TMPRSS11E: variants seen among roughly 807,000 people sequenced by gnomAD.
TMPRSS11E encodes transmembrane protease serine 11E.
Under a neutral mutation model 48.1 loss-of-function variants are expected in TMPRSS11E, and 38 were observed. The ratio of observed to expected loss-of-function variants is 0.79; its 90% CI spans 0.61 to 1.04. The LOEUF (loss-of-function observed/expected upper bound fraction) is 1.04, where lower values mean the gene tolerates loss of function less well. TMPRSS11E is among the 50% of genes least tolerant of loss of function. The pLI is 0.00. For synonymous variants in TMPRSS11E, 158 were observed against 171.9 expected (o/e 0.92, Z 0.63); for missense variants, 530 against 510.8 (o/e 1.04, Z -0.36).
At chr4:68,449,748 C>G (rs1228294846) in intron 1 of TMPRSS11E, among the ~76,000 whole-genome samples, 1 of 151,768 alleles carries the variant, frequency 6.6e-6, no homozygotes, top group African/African-American at 2.4e-5. Context: ...AATGTGTAAG[C>G]CTGAAAGAAA....
intron 9 of TMPRSS11E, among the ~76,000 whole-genome samples, chr4:68,484,417 C>T (rs1729495376): frequency 6.6e-6 from 1 of 152,138 alleles, no homozygotes; most frequent in Non-Finnish European, 1.5e-5. Flanking sequence ...AGCGATCCTC[C>T]CACTTCAGTC....
At chr4:68,480,410 T>C (rs979207126) in intron 9 of TMPRSS11E, among the ~76,000 whole-genome samples, 3 of 152,152 alleles carry the variant, frequency 2.0e-5, no homozygotes, top group Non-Finnish European at 2.9e-5. Context: ...TCTATTCTTA[T>C]GTTAAGCCCG....
At chr4:68,466,012 G>C (rs1168150928) in intron 2 of TMPRSS11E, among the ~76,000 whole-genome samples, 1 of 152,172 alleles carries the variant, frequency 6.6e-6, no homozygotes, top group Admixed American at 6.5e-5. Context: ...CCTGTGGTTG[G>C]TGGGAAAAAC....
chr4:68,457,931 A>G (rs1241429954), intron 1 of TMPRSS11E, among the ~76,000 whole-genome samples: 1 of 151,736 alleles, frequency 6.6e-6, no homozygotes, highest in Admixed American at 6.6e-5. Flanking sequence ...GGGGCCTATC[A>G]GTGGGTGGGG....
intron 5 of TMPRSS11E, among the ~76,000 whole-genome samples, chr4:68,474,299 A>G (rs1013589175): frequency 6.6e-6 from 1 of 152,172 alleles, no homozygotes; most frequent in Non-Finnish European, 1.5e-5. Context: ...TATGAGCTCA[A>G]TGATACAATC....
At chr4:68,476,657 AAC>A (rs2109697504) in intron 7 of TMPRSS11E, among the ~76,000 whole-genome samples, 1 of 152,348 alleles carries the variant, frequency 6.6e-6, no homozygotes, top group South Asian at 2.1e-4. Context: ...TCTTTTGATA[AAC>A]ACACAATAGT....
chr4:68,449,335 A>G (rs1369155892), intron 1 of TMPRSS11E, among the ~76,000 whole-genome samples: 1 of 151,766 alleles, frequency 6.6e-6, no homozygotes, highest in Non-Finnish European at 1.5e-5. Context: ...GAAGAGAAGA[A>G]TGTGTCCATT....
chr4:68,451,573 G>T (rs1406829039), intron 1 of TMPRSS11E, among the ~76,000 whole-genome samples: 1 of 151,892 alleles, frequency 6.6e-6, no homozygotes, highest in Admixed American at 6.6e-5. Flanking sequence ...AATGTCAGAT[G>T]ATATCTCTGT....
At chr4:68,468,649 C>A (rs1728983550) in intron 3 of TMPRSS11E, among the ~76,000 whole-genome samples, 1 of 152,072 alleles carries the variant, frequency 6.6e-6, no homozygotes, top group African/African-American at 2.4e-5. Flanking sequence ...GCAGATATCA[C>A]TTCTGGCCCC....
intron 9 of TMPRSS11E, among the ~76,000 whole-genome samples, chr4:68,481,026 G>A (rs1410255265): frequency 6.6e-6 from 1 of 152,064 alleles, no homozygotes; most frequent in Non-Finnish European, 1.5e-5. Context: ...TCAATGTTTA[G>A]CTTCCACTTA....
chr4:68,487,145 AAG>A (rs1729575712), intron 9 of TMPRSS11E, among the ~76,000 whole-genome samples: 1 of 152,126 alleles, frequency 6.6e-6, no homozygotes, highest in Admixed American at 6.6e-5. Context: ...TTGATATGTG[AAG>A]ATTTGATCCT....
intron 9 of TMPRSS11E, among the ~76,000 whole-genome samples, chr4:68,491,287 T>C (rs1729712804): frequency 9.3e-6 from 1 of 107,018 alleles, no homozygotes; most frequent in Non-Finnish European, 1.7e-5. Flanking sequence ...TCCAAGTCCA[T>C]GATATATGAA....
chr4:68,454,247 T>C (rs892451994), intron 1 of TMPRSS11E, among the ~76,000 whole-genome samples: 17 of 152,074 alleles, frequency 1.1e-4, no homozygotes, highest in Middle Eastern at 3.4e-3. Context: ...GCTGCAGTTA[T>C]AGATTTGGTA....
chr4:68,477,183 A>G (rs1230665946), intron 7 of TMPRSS11E, among the ~76,000 whole-genome samples, 186 bp from the exon 8 acceptor site: 1 of 152,106 alleles, frequency 6.6e-6, no homozygotes, highest in Non-Finnish European at 1.5e-5. Context: ...CATGTATATT[A>G]TAGGAAATGG....
intron 1 of TMPRSS11E, among the ~76,000 whole-genome samples, chr4:68,448,541 C>T (rs897168397): frequency 6.6e-6 from 1 of 151,710 alleles, no homozygotes; most frequent in Non-Finnish European, 1.5e-5. Context: ...AGAAAGCTTC[C>T]AATAAACTTA....
intron 1 of TMPRSS11E, among the ~76,000 whole-genome samples, 180 bp downstream of exon 1, chr4:68,447,703 G>A (rs1728378875): frequency 6.6e-6 from 1 of 151,682 alleles, no homozygotes; most frequent in Non-Finnish European, 1.5e-5. Context: ...TTCTGTATTA[G>A]TGTTTCCTGT....
At chr4:68,496,488 A>G (rs1027080730) in intron 9 of TMPRSS11E, among the ~76,000 whole-genome samples, 155 bp from the exon 10 acceptor site, 2 of 152,160 alleles carry the variant, frequency 1.3e-5, no homozygotes, top group Admixed American at 6.5e-5. Context: ...TTTTAGGTGG[A>G]TAACTGACAT....
chr4:68,447,524 G>A lies in TMPRSS11E; in HGVS notation c.11+1G>A. On this transcript the variant is annotated splice_donor_variant, in intron 1 of 9. Coordinates refer to ENST00000305363, the MANE Select transcript of TMPRSS11E (RefSeq NM_014058.4). LOFTEE classifies it high-confidence loss of function. Reference sequence around the variant, plus strand: ...ATTGCTGGTTGGCAATGATGTATCGGTGAGTTAGTTCCCTTTTTCTTTCTA... The same window carrying A: ...ATTGCTGGTTGGCAATGATGTATCGATGAGTTAGTTCCCTTTTTCTTTCTA... 1.9e-6 allele frequency: 3 copies of A among 1,609,004 alleles called. No individual in the cohort carries two copies. Among genetic ancestry groups the A allele is most frequent in the African/African-American group, 1.3e-5 (1 of 74,684 alleles).
chr4:68,482,357 G>T (rs1180257927), intron 9 of TMPRSS11E, among the ~76,000 whole-genome samples: 3 of 152,004 alleles, frequency 2.0e-5, no homozygotes, highest in South Asian at 4.1e-4. Flanking sequence ...ATATCATTCT[G>T]CTCCTGGCCT....
Sources: gnomAD v4.1 joint callset for allele counts (sites outside exome capture counted in the v4.1 genomes callset) on GRCh38, gnomAD v4.1.1 for gene constraint, MANE v1.5 for transcripts, NCBI Gene and HGNC (gene_info 2026-07-23, HGNC 2026-07-21) for gene names.